The following MTUS2 variants were observed in gnomAD, a reference collection of about 807,000 sequenced individuals.
MTUS2 encodes microtubule-associated tumor suppressor candidate 2.
MTUS2 carries 40 observed loss-of-function variants against 114.1 expected under a neutral mutation model. The observed-to-expected ratio is 0.35, with a 90% CI of 0.27 to 0.46. The LOEUF (loss-of-function observed/expected upper bound fraction) is 0.46, where lower values mean the gene tolerates loss of function less well. MTUS2 is among the 20% of genes least tolerant of loss of function. The probability of loss-of-function intolerance (pLI) is 1.00; values close to 1 mark genes in which losing one functional copy is unlikely to be tolerated. For missense variants in MTUS2, 1,679 were observed against 1,705.4 expected, an observed-to-expected ratio of 0.98 and a Z score of 0.27; for synonymous variants, 688 against 672.0, an observed-to-expected ratio of 1.02 and a Z score of -0.37.
chr13:29,260,915 A>G (rs1593234341), intron 5 of MTUS2, among the ~76,000 whole-genome samples: 1 of 152,114 alleles, frequency 6.6e-6, no homozygotes, highest in Non-Finnish European at 1.5e-5. Flanking sequence ...TGAACCTCTT[A>G]CAATACACAG....
At chr13:29,421,331 G>A (rs1395724111) in intron 8 of MTUS2, among the ~76,000 whole-genome samples, 1 of 152,192 alleles carries the variant, frequency 6.6e-6, no homozygotes, top group Non-Finnish European at 1.5e-5. Context: ...GAAAAAGGAG[G>A]GGTCTGGATG....
intron 4 of MTUS2, among the ~76,000 whole-genome samples, chr13:29,085,008 C>T (rs1411415789): frequency 6.6e-6 from 1 of 152,158 alleles, no homozygotes; most frequent in Admixed American, 6.5e-5. Flanking sequence ...GGCTTAGTGC[C>T]ATCCCCTTGG....
intron 4 of MTUS2, among the ~76,000 whole-genome samples, chr13:29,075,920 G>A (rs9551598): frequency 0.37 from 55,732 of 152,004 alleles, 10,918 homozygotes; most frequent in East Asian, 0.63. Context: ...TTATATTGAA[G>A]TCTTTAGCTT....
intron 2 of MTUS2, among the ~76,000 whole-genome samples, chr13:28,970,843 C>A (rs753663165): frequency 1.3e-5 from 2 of 152,166 alleles, no homozygotes; most frequent in Non-Finnish European, 2.9e-5. Flanking sequence ...CCAGAGCATG[C>A]ACATTGTCAG....
At position 29,389,991 on chromosome 13, in the gene MTUS2, ATG is replaced by A. The variant is rs1204663258; in HGVS notation, c.3117+30520_3117+30521del. On this transcript the variant is annotated intron_variant, in intron 8 of 15. Transcript: ENST00000612955. ...TGTATATACACATACATGTATGTGTATGTATGTATGTGTATATATACACATAC... is the reference window on the plus strand; with the variant it reads ...TGTATATACACATACATGTATGTGTATATGTATGTGTATATATACACATAC... Among the ~76,000 whole-genome samples the A allele has an allele frequency of 4.4e-3, 51 of 11,588 alleles. 5 individuals carry two copies. The highest frequency in any genetic ancestry group is 9.4e-3 in the African/African-American group (41 of 4,352). The allele number at this position is 11,588 out of a possible 152,430, so 7.6% of individuals were successfully genotyped here. A position where few individuals can be genotyped will look rare whatever the true frequency, so the allele number is the denominator to read the frequency against.
intron 2 of MTUS2, among the ~76,000 whole-genome samples, chr13:29,021,638 A>G (rs972815334): frequency 2.0e-5 from 3 of 152,180 alleles, no homozygotes; most frequent in South Asian, 2.1e-4. Flanking sequence ...TGGATGGCCT[A>G]TATTTATGAA....
chr13:29,401,223 T>C (rs1304067794), intron 8 of MTUS2, among the ~76,000 whole-genome samples: 1 of 152,208 alleles, frequency 6.6e-6, no homozygotes, highest in Non-Finnish European at 1.5e-5. Context: ...TGGCCTCAGG[T>C]GTTCCACCAG....
chr13:29,370,130 G>A lies in MTUS2; in HGVS notation c.3117+10657G>A, dbSNP rs1037880875. ...TTTGGGAGGCTGAGGTGGGTGGATC[G>A]CTTGAGCCCAGGAGTTTGAGACCAG... On this transcript the variant is annotated intron_variant, in intron 8 of 15. Coordinates refer to ENST00000612955, the MANE Select transcript of MTUS2 (RefSeq NM_001033602.4). Among the ~76,000 whole-genome samples, 6 of 152,044 alleles carry A rather than the reference G, an allele frequency of 3.9e-5. 1 individual carries two copies. The highest frequency in any genetic ancestry group is 1.3e-4 in the Admixed American group (2 of 15,254).
intron 8 of MTUS2, among the ~76,000 whole-genome samples, chr13:29,373,154 G>T (rs970705240): frequency 6.6e-6 from 1 of 152,154 alleles, no homozygotes; most frequent in Non-Finnish European, 1.5e-5. Flanking sequence ...GGAACTCCTA[G>T]AACTCAGAGA....
intron 2 of MTUS2, among the ~76,000 whole-genome samples, chr13:28,973,800 G>A (rs1323346919): frequency 3.9e-5 from 6 of 152,196 alleles, no homozygotes; most frequent in Non-Finnish European, 8.8e-5. Flanking sequence ...AGGTTGATTG[G>A]AAGAAGGCAG....
chr13:29,101,799 A>C (rs1363538906), intron 5 of MTUS2, among the ~76,000 whole-genome samples: 1 of 152,202 alleles, frequency 6.6e-6, no homozygotes, highest in Non-Finnish European at 1.5e-5. Context: ...ATCAAGCTGG[A>C]ATAATTCGAA....
chr13:29,031,167 ACTGT>A (rs1283483859), intron 3 of MTUS2, among the ~76,000 whole-genome samples: 1 of 149,018 alleles, frequency 6.7e-6, no homozygotes, highest in African/African-American at 2.5e-5. Flanking sequence ...CTCCTTCCTC[ACTGT>A]CTGCTGCCAC....
intron 4 of MTUS2, among the ~76,000 whole-genome samples, chr13:29,063,355 G>T (rs910504009): frequency 7.9e-5 from 12 of 152,166 alleles, no homozygotes; most frequent in African/African-American, 2.9e-4. Flanking sequence ...TAATGTTTTT[G>T]TGTCAGACTA....
intron 9 of MTUS2, among the ~76,000 whole-genome samples, chr13:29,451,402 T>C (rs1878672675): frequency 6.6e-6 from 1 of 152,000 alleles, no homozygotes; most frequent in Non-Finnish European, 1.5e-5. Context: ...ACACAACATA[T>C]CAAAATCTGT....
intron 9 of MTUS2, among the ~76,000 whole-genome samples, chr13:29,472,564 G>C (rs562540319): frequency 6.6e-6 from 1 of 152,110 alleles, no homozygotes; most frequent in Non-Finnish European, 1.5e-5. Context: ...CCGCCTGGTG[G>C]TCACAGGTTT....
chr13:29,032,427 C>CA (rs1886870254), intron 3 of MTUS2, among the ~76,000 whole-genome samples: 1 of 151,810 alleles, frequency 6.6e-6, no homozygotes, highest in African/African-American at 2.4e-5. Context: ...AGCACCTGCT[C>CA]AAAGCAATGT....
chr13:29,482,541 G>A (rs947208885), intron 10 of MTUS2, among the ~76,000 whole-genome samples: 2 of 152,140 alleles, frequency 1.3e-5, no homozygotes, highest in African/African-American at 4.8e-5. Flanking sequence ...TCATTCACCT[G>A]TGCAAAGAAT....
At chr13:28,984,909 A>G (rs1223832087) in intron 2 of MTUS2, among the ~76,000 whole-genome samples, 1 of 152,234 alleles carries the variant, frequency 6.6e-6, no homozygotes, top group Non-Finnish European at 1.5e-5. Flanking sequence ...CTGTCAAATG[A>G]GTTATAAAAA....
chr13:29,018,741 CAG>C (rs1886168932), intron 2 of MTUS2, among the ~76,000 whole-genome samples: 1 of 151,142 alleles, frequency 6.6e-6, no homozygotes, highest in South Asian at 2.1e-4. Context: ...GCCTGGGTGA[CAG>C]AGTGAGATTC....
Sources: allele counts gnomAD v4.1 joint callset (sites outside exome capture counted in the v4.1 genomes callset), GRCh38; gene constraint gnomAD v4.1.1; transcripts MANE v1.5; gene names NCBI Gene and HGNC (gene_info 2026-07-23, HGNC 2026-07-21).